The following AMBRA1 variants were observed in gnomAD, a reference collection of about 807,000 sequenced individuals.
The protein encoded by AMBRA1 is activating molecule in BECN1-regulated autophagy protein 1.
In AMBRA1, 47 loss-of-function variants were observed where a neutral mutation model predicts 125.4. The ratio of observed to expected loss-of-function variants is 0.37; its 90% confidence interval spans 0.30 to 0.48. AMBRA1 has a LOEUF of 0.48. AMBRA1 is among the 20% of genes least tolerant of loss of function. The pLI is 0.99. For synonymous variants in AMBRA1, 626 were observed against 655.5 expected (o/e 0.95, Z 0.69); for missense variants, 1,331 against 1,693.4 (o/e 0.79, Z 3.76).
At chr11:46,549,359 T>A (rs1297721320) in intron 1 of AMBRA1, among the ~76,000 whole-genome samples, 1 of 152,236 alleles carries the variant, frequency 6.6e-6, no homozygotes, top group Non-Finnish European at 1.5e-5. Context: ...ATAGGAAAGT[T>A]GAAAGAATGG....
intron 1 of AMBRA1, among the ~76,000 whole-genome samples, chr11:46,553,891 G>C (rs1379319455): frequency 1.3e-5 from 2 of 152,092 alleles, no homozygotes; most frequent in Admixed American, 1.3e-4. Flanking sequence ...GCATAAATAT[G>C]TACTGAAAAT....
chr11:46,445,516 G>A (rs983211601), intron 11 of AMBRA1, among the ~76,000 whole-genome samples: 1 of 152,112 alleles, frequency 6.6e-6, no homozygotes, highest in Non-Finnish European at 1.5e-5. Flanking sequence ...GAACCTCTGG[G>A]TCATGAGGAG....
intron 8 of AMBRA1, among the ~76,000 whole-genome samples, chr11:46,511,158 G>A (rs1326493337): frequency 2.0e-5 from 3 of 152,154 alleles, no homozygotes; most frequent in Non-Finnish European, 4.4e-5. Context: ...TTCTGGGGAT[G>A]AGATGCCTAT....
In AMBRA1 at chr11:46,441,369, C is replaced by T. The variant is rs550237415; in HGVS notation, c.2632+2119G>A. ...TCTCTGCTAAAAATACAAAAATTAG[C>T]TGGGTGTGGTGGCGTGCACCTGTAG... On this transcript the variant is annotated intron_variant, in intron 12 of 17. Coordinates refer to ENST00000683756, the MANE Select transcript of AMBRA1 (RefSeq NM_001387011.1). Among the ~76,000 whole-genome samples, 5 of 151,882 alleles carry T rather than the reference C, an allele frequency of 3.3e-5. No homozygotes were observed. The South Asian group carries it at 1.0e-3, about 32-fold the overall frequency.
At chr11:46,529,609 G>A (rs1192225758) in intron 7 of AMBRA1, among the ~76,000 whole-genome samples, 2 of 152,220 alleles carry the variant, frequency 1.3e-5, no homozygotes, top group Non-Finnish European at 1.5e-5. Context: ...CATGACATCA[G>A]CCTAGCATAG....
intron 6 of AMBRA1, 27 bp from the exon 7 acceptor site, chr11:46,543,425 G>T: frequency 1.2e-6 from 2 of 1,606,572 alleles, no homozygotes; most frequent in Non-Finnish European, 1.7e-6. Flanking sequence ...CATGGGGCAG[G>T]GGGTAGAGCA....
At chr11:46,515,310 T>C (rs1378661842) in intron 7 of AMBRA1, among the ~76,000 whole-genome samples, 1 of 152,000 alleles carries the variant, frequency 6.6e-6, no homozygotes, top group Non-Finnish European at 1.5e-5. Context: ...CCATCTCTAC[T>C]AAAATACAAA....
chr11:46,543,545 G>A (rs1385449311), intron 6 of AMBRA1, 147 bp from the exon 7 acceptor site: 2 of 1,025,420 alleles, frequency 2.0e-6, no homozygotes, highest in African/African-American at 3.2e-5. Context: ...CTGAAGCACT[G>A]ACAACTGGCC....
chr11:46,409,960 G>A (rs1385877925), intron 16 of AMBRA1, among the ~76,000 whole-genome samples: 1 of 152,228 alleles, frequency 6.6e-6, no homozygotes, highest in Non-Finnish European at 1.5e-5. Context: ...GGGCCATGGA[G>A]CAGACTTCAT....
intron 1 of AMBRA1, among the ~76,000 whole-genome samples, chr11:46,578,164 A>G (rs2044026756): frequency 6.6e-6 from 1 of 152,046 alleles, no homozygotes; most frequent in African/African-American, 2.4e-5. Context: ...ATGTCCATAT[A>G]AGCATTTCCC....
intron 11 of AMBRA1, among the ~76,000 whole-genome samples, chr11:46,476,916 G>A (rs1949837035): frequency 6.6e-6 from 1 of 152,056 alleles, no homozygotes; most frequent in Non-Finnish European, 1.5e-5. Flanking sequence ...AAACCAGCCT[G>A]GTCAAGATGG....
At chr11:46,502,475 G>A (rs1048727352) in intron 9 of AMBRA1, among the ~76,000 whole-genome samples, 1 of 152,146 alleles carries the variant, frequency 6.6e-6, no homozygotes, top group African/African-American at 2.4e-5. Flanking sequence ...ATCCCTCTCT[G>A]ACGATTTTAC....
At chr11:46,457,638 C>T (rs995955132) in intron 11 of AMBRA1, among the ~76,000 whole-genome samples, 8 of 152,130 alleles carry the variant, frequency 5.3e-5, no homozygotes, top group Non-Finnish European at 1.0e-4. Flanking sequence ...CAGTGGCTCA[C>T]GCCTATAATC....
intron 7 of AMBRA1, among the ~76,000 whole-genome samples, chr11:46,518,580 C>T (rs1951625153): frequency 6.6e-6 from 1 of 152,078 alleles, no homozygotes; most frequent in South Asian, 2.1e-4. Flanking sequence ...TACTTTGGAG[C>T]TGGCAAGGCA....
intron 5 of AMBRA1, among the ~76,000 whole-genome samples, chr11:46,545,033 G>A (rs1952935232): frequency 6.6e-6 from 1 of 151,702 alleles, no homozygotes. Flanking sequence ...AGACTGAGGT[G>A]GGAGGATTGC....
At chr11:46,478,893 G>A (rs190054583) in intron 11 of AMBRA1, among the ~76,000 whole-genome samples, 16 of 152,044 alleles carry the variant, frequency 1.1e-4, no homozygotes, top group Admixed American at 7.9e-4. Flanking sequence ...TATATGTAAG[G>A]ACACTTTTAA....
chr11:46,592,241 AT>A (rs898452892), intron 1 of AMBRA1, among the ~76,000 whole-genome samples: 26 of 148,492 alleles, frequency 1.8e-4, no homozygotes, highest in Admixed American at 4.0e-4. Flanking sequence ...GACAGGCTGA[AT>A]TTTTTTTTTT....
intron 13 of AMBRA1, 81 bp from the exon 14 acceptor site, chr11:46,433,709 T>G: frequency 7.0e-7 from 1 of 1,426,686 alleles, no homozygotes. Context: ...ACTCTTGTCT[T>G]TTTCTCTAAT....
chr11:46,435,022 A>C lies in AMBRA1; in HGVS notation c.2648T>G (p.Leu883Arg). 6.2e-7 allele frequency: 1 copy of C among 1,609,206 alleles called. No homozygotes were observed. The highest frequency in any genetic ancestry group is 8.5e-7 in the Non-Finnish European group (1 of 1,177,590). The change falls in exon 13 of 18, where the codon CTG (leucine) becomes CGG (arginine). Residue 883 changes from leucine (L) to arginine (R), a missense_variant. Around this residue, in one of 4 missense-constraint regions of AMBRA1, gnomAD observed 354 missense variants for 532.7 expected, o/e 0.66. Coordinates refer to ENST00000683756, the MANE Select transcript of AMBRA1 (RefSeq NM_001387011.1). Reference sequence around the variant, plus strand: ...ATTGTAGATCTTGCAGTTCTGCACCAGCACATTCACGGAAGCTGCATCAGA... The same window carrying C: ...ATTGTAGATCTTGCAGTTCTGCACCCGCACATTCACGGAAGCTGCATCAGA... ...PEISNASVNV[L>R]VQNCKIYNDA... is the part of the protein sequence containing the mutation.
Sources: allele counts gnomAD v4.1 joint callset (sites outside exome capture counted in the v4.1 genomes callset), GRCh38; gene constraint gnomAD v4.1.1; regional missense constraint gnomAD v4.1.1; transcripts MANE v1.5; gene names NCBI Gene and HGNC (gene_info 2026-07-23, HGNC 2026-07-21).